The following SGCD variants were observed in gnomAD, a reference collection of about 807,000 sequenced individuals.
The protein encoded by SGCD is sarcoglycan delta.
SGCD carries 18 observed loss-of-function variants against 36.6 expected under a neutral mutation model. The ratio of observed to expected loss-of-function variants is 0.49; its 90% CI spans 0.34 to 0.73. SGCD has a LOEUF of 0.73. SGCD is among the 30% of genes least tolerant of loss of function. The pLI, the probability that SGCD is intolerant of heterozygous loss-of-function variation, is 0.01. For missense variants in SGCD, 387 were observed against 346.7 expected, an observed-to-expected ratio of 1.12 and a Z score of -0.92; for synonymous variants, 133 against 130.6, an observed-to-expected ratio of 1.02 and a Z score of -0.12.
intron 3 of SGCD, among the ~76,000 whole-genome samples, chr5:156,371,956 G>A (rs17053491): frequency 0.034 from 5,192 of 152,212 alleles, 230 homozygotes; most frequent in African/African-American, 0.096. Flanking sequence ...ATTGTACATT[G>A]ACCGATATTC....
chr5:156,353,022 A>G (rs115781071), intron 3 of SGCD, among the ~76,000 whole-genome samples: 358 of 152,368 alleles, frequency 2.3e-3, no homozygotes, highest in African/African-American at 8.0e-3. Flanking sequence ...GGGTCAGAGG[A>G]AGGCATTCTA....
chr5:156,544,172 A>G (rs754288376), intron 4 of SGCD, among the ~76,000 whole-genome samples: 4 of 152,200 alleles, frequency 2.6e-5, no homozygotes, highest in Non-Finnish European at 2.9e-5. Flanking sequence ...AAGATAGGCA[A>G]AAAATGAGTT....
upstream of SGCD, among the ~76,000 whole-genome samples, chr5:155,868,031 G>T (rs1466218081): frequency 6.6e-6 from 1 of 152,002 alleles, no homozygotes; most frequent in African/African-American, 2.4e-5. Context: ...AAGTTAAGTT[G>T]CAGAGTATGA....
intron 3 of SGCD, among the ~76,000 whole-genome samples, chr5:156,447,735 G>A (rs1299103038): frequency 6.6e-6 from 1 of 152,068 alleles, no homozygotes; most frequent in East Asian, 1.9e-4. Context: ...GTTGACAGGT[G>A]CAGCAAACCA....
the SGCD span, among the ~76,000 whole-genome samples, chr5:155,834,490 G>A: frequency 2.6e-5 from 4 of 152,214 alleles, no homozygotes; most frequent in African/African-American, 9.6e-5. Context: ...TTCAGGAGAT[G>A]GTGTTTTGTA....
chr5:156,618,929 G>A (rs1762128516), intron 6 of SGCD, among the ~76,000 whole-genome samples: 1 of 152,014 alleles, frequency 6.6e-6, no homozygotes, highest in Non-Finnish European at 1.5e-5. Context: ...AGGGAGAGTG[G>A]GAAATAAGTA....
At chr5:156,209,544 C>T (rs1300144735) in intron 3 of SGCD, among the ~76,000 whole-genome samples, 1 of 152,182 alleles carries the variant, frequency 6.6e-6, no homozygotes, top group African/African-American at 2.4e-5. Context: ...CACAACATTC[C>T]AGCTGACACA....
the SGCD span, among the ~76,000 whole-genome samples, chr5:155,814,160 T>G: frequency 6.6e-6 from 1 of 152,352 alleles, no homozygotes; most frequent in African/African-American, 2.4e-5. Flanking sequence ...TAGGCACATT[T>G]TGTTTCACTC....
intron 3 of SGCD, among the ~76,000 whole-genome samples, chr5:156,169,672 T>C (rs994109708): frequency 6.6e-6 from 1 of 152,150 alleles, no homozygotes; most frequent in African/African-American, 2.4e-5. Context: ...TCAGATCAAG[T>C]AAACAGAAGG....
intron 1 of SGCD, among the ~76,000 whole-genome samples, chr5:155,930,118 C>A (rs1421033481): frequency 6.6e-6 from 1 of 152,140 alleles, no homozygotes; most frequent in African/African-American, 2.4e-5. Flanking sequence ...CAACTCTCCA[C>A]CCCTCTTGCC....
chr5:155,969,023 G>C (rs1379187569), intron 1 of SGCD, among the ~76,000 whole-genome samples: 3 of 151,834 alleles, frequency 2.0e-5, no homozygotes, highest in Non-Finnish European at 4.4e-5. Flanking sequence ...TCTTTTTAAG[G>C]GCTGATAATT....
At chr5:156,744,548 C>T (rs1756853481) in intron 7 of SGCD, among the ~76,000 whole-genome samples, 1 of 152,152 alleles carries the variant, frequency 6.6e-6, no homozygotes, top group Admixed American at 6.5e-5. Flanking sequence ...TCTTTTTTTC[C>T]TGATTCCCAT....
chr5:156,185,494 G>T (rs577871723), intron 3 of SGCD, among the ~76,000 whole-genome samples: 2 of 152,034 alleles, frequency 1.3e-5, no homozygotes, highest in African/African-American at 4.8e-5. Flanking sequence ...GATTACAGAT[G>T]TGAGCCACCG....
At chr5:156,119,131 A>G (rs988645776) in intron 2 of SGCD, among the ~76,000 whole-genome samples, 5 of 152,114 alleles carry the variant, frequency 3.3e-5, no homozygotes, top group Admixed American at 2.0e-4. Flanking sequence ...ACCTTCTTCT[A>G]TTTGTGTGCC....
At chr5:155,957,883 CATGAGT>C in intron 1 of SGCD, among the ~76,000 whole-genome samples, 1 of 152,114 alleles carries the variant, frequency 6.6e-6, no homozygotes, top group Non-Finnish European at 1.5e-5. Context: ...CAGATGGAAA[CATGAGT>C]ACGTCATTCA....
At chr5:155,742,643 T>TC in the SGCD span, among the ~76,000 whole-genome samples, 4 of 152,110 alleles carry the variant, frequency 2.6e-5, no homozygotes, top group African/African-American at 9.7e-5. Context: ...TGTTTGTGGT[T>TC]CCCCCCACCC....
At chr5:156,710,230 C>T (rs1192436756) in intron 7 of SGCD, among the ~76,000 whole-genome samples, 1 of 152,154 alleles carries the variant, frequency 6.6e-6, no homozygotes, top group East Asian at 1.9e-4. Context: ...TCAGTAAATA[C>T]TTAGTGAATG....
At chr5:155,796,315 A>G in the SGCD span, among the ~76,000 whole-genome samples, 1 of 152,140 alleles carries the variant, frequency 6.6e-6, no homozygotes, top group Admixed American at 6.6e-5. Context: ...AAAAACCACA[A>G]ATTGCTTGGA....
chr5:156,289,471 C>A (rs1337393191), intron 3 of SGCD, among the ~76,000 whole-genome samples: 1 of 151,904 alleles, frequency 6.6e-6, no homozygotes, highest in Non-Finnish European at 1.5e-5. Context: ...CCCTCACCCC[C>A]CACAGGCCCC....
Sources: gnomAD v4.1 joint callset for allele counts (sites outside exome capture counted in the v4.1 genomes callset) on GRCh38, gnomAD v4.1.1 for gene constraint, MANE v1.5 for transcripts, NCBI Gene and HGNC (gene_info 2026-07-23, HGNC 2026-07-21) for gene names.